The following ZNF248 variants were observed in gnomAD, a reference collection of about 807,000 sequenced individuals.
The protein encoded by ZNF248 is zinc finger protein 248, also known as KRAB protein domain.
A neutral mutation model predicts 44.3 loss-of-function variants in ZNF248; 20 were observed. The ratio of observed to expected loss-of-function variants is 0.45; its 90% CI spans 0.32 to 0.66. The LOEUF (loss-of-function observed/expected upper bound fraction) is 0.66. Among genes scored for constraint, ZNF248 ranks in the 30% least tolerant of loss-of-function variants. The probability of loss-of-function intolerance (pLI) is 0.04; values close to 1 mark genes in which losing one functional copy is unlikely to be tolerated. For synonymous variants in ZNF248, 224 were observed against 229.0 expected (o/e 0.98, Z 0.20); for missense variants, 654 against 677.0 (o/e 0.97, Z 0.38).
At chr10:37,835,337 A>C (rs139296893) in intron 5 of ZNF248, among the ~76,000 whole-genome samples, 1,659 of 152,344 alleles carry the variant, frequency 0.011, 36 homozygotes, top group African/African-American at 0.038. Flanking sequence ...TAGTACGGTG[A>C]TGCCATGGTT....
At chr10:37,767,240 C>G in the ZNF248 span, among the ~76,000 whole-genome samples, 1 of 152,168 alleles carries the variant, frequency 6.6e-6, no homozygotes, top group Admixed American at 6.5e-5. Context: ...TCTAACAAGG[C>G]AGGCCAACGT....
chr10:37,760,866 A>G, the ZNF248 span, among the ~76,000 whole-genome samples: 13 of 152,350 alleles, frequency 8.5e-5, no homozygotes, highest in Middle Eastern at 3.4e-3. Flanking sequence ...AAGACATACT[A>G]AAACATTACC....
downstream of ZNF248, among the ~76,000 whole-genome samples, chr10:37,772,980 T>C (rs2046322857): frequency 6.6e-6 from 1 of 151,936 alleles, no homozygotes; most frequent in African/African-American, 2.4e-5. Context: ...ACTGAAGACG[T>C]GACTATCAAA....
chr10:37,820,297 G>A (rs2133606446), intron 6 of ZNF248: 2 of 1,388,696 alleles, frequency 1.4e-6, no homozygotes, highest in South Asian at 2.3e-5. Context: ...ATAGATGAGG[G>A]ACTGTTTTGC....
chr10:37,777,895 A>G (rs1275523175), intron 6 of ZNF248, among the ~76,000 whole-genome samples: 1 of 151,946 alleles, frequency 6.6e-6, no homozygotes. Context: ...ATAGTATTCC[A>G]CGGTGTATAT....
intron 6 of ZNF248, among the ~76,000 whole-genome samples, chr10:37,822,999 A>T (rs1333441916): frequency 6.6e-6 from 1 of 152,154 alleles, no homozygotes; most frequent in South Asian, 2.1e-4. Flanking sequence ...TGTGCAGGCT[A>T]TGTGAAGGAA....
At chr10:37,834,322 T>G (rs1358505430) in intron 5 of ZNF248, among the ~76,000 whole-genome samples, 1 of 152,148 alleles carries the variant, frequency 6.6e-6, no homozygotes, top group Non-Finnish European at 1.5e-5. Flanking sequence ...AGTCCAGAAC[T>G]TGGCAGGTGT....
intron 6 of ZNF248, among the ~76,000 whole-genome samples, chr10:37,790,568 G>A (rs2048382408): frequency 1.3e-5 from 2 of 151,800 alleles, no homozygotes; most frequent in Non-Finnish European, 1.5e-5. Flanking sequence ...AAATTAGCTG[G>A]GCGTAGTGGC....
chr10:37,799,593 C>A (rs1276670675), intron 6 of ZNF248, among the ~76,000 whole-genome samples: 1 of 152,082 alleles, frequency 6.6e-6, no homozygotes, highest in Admixed American at 6.6e-5. Flanking sequence ...GCTAACACTT[C>A]CTGACTTATC....
chr10:37,833,036 T>C lies in ZNF248; in HGVS notation c.319A>G (p.Asn107Asp). 1 of 1,613,600 alleles carries C rather than the reference T, an allele frequency of 6.2e-7. No individual in the cohort carries two copies. ...TTTTCTACACTTACTGTTTTGTTGT[T>C]GTGGAATAGAAGCTCCCAAAAATGG... ...DDHFWELLFH[N>D]NKTVSVENGD... The change falls in exon 6 of 6, where the codon AAC becomes GAC. Residue 107 changes from asparagine to aspartate, a missense_variant. Physicochemically the swap from Asn to Asp is conservative, Grantham distance 23. Coordinates refer to ENST00000395867, the MANE Select transcript of ZNF248 (RefSeq NM_021045.3).
chr10:37,761,122 A>C, the ZNF248 span, among the ~76,000 whole-genome samples: 1 of 152,336 alleles, frequency 6.6e-6, no homozygotes, highest in South Asian at 2.1e-4. Context: ...CAACAGGGTT[A>C]CTGGCAGTTC....
At chr10:37,846,445 T>C (rs2059330087) in intron 3 of ZNF248, among the ~76,000 whole-genome samples, 1 of 151,930 alleles carries the variant, frequency 6.6e-6, no homozygotes, top group South Asian at 2.1e-4. Context: ...ACCGGCTTGG[T>C]CAACAGGATC....
At chr10:37,772,831 C>T (rs1225031143), downstream of ZNF248, among the ~76,000 whole-genome samples, 1 of 152,182 alleles carries the variant, frequency 6.6e-6, no homozygotes, top group African/African-American at 2.4e-5. Context: ...GAAGTAACAG[C>T]GTTCCACATT....
chr10:37,853,091 G>T (rs1170970853), intron 3 of ZNF248, among the ~76,000 whole-genome samples: 1 of 151,734 alleles, frequency 6.6e-6, no homozygotes, highest in African/African-American at 2.4e-5. Flanking sequence ...TGATCTGCCC[G>T]CCTTGGCCTC....
At chr10:37,820,253 G>T (rs1172750385) in intron 6 of ZNF248, 9 of 1,363,626 alleles carry the variant, frequency 6.6e-6, no homozygotes, top group Non-Finnish European at 9.4e-6. Context: ...TCTGTTTTTG[G>T]GAGCTGCAGA....
At chr10:37,765,493 G>T in the ZNF248 span, among the ~76,000 whole-genome samples, 1 of 152,172 alleles carries the variant, frequency 6.6e-6, no homozygotes. Context: ...TTTCAGTTAT[G>T]ACAATTCAGT....
chr10:37,821,706 G>A (rs1475875301), intron 6 of ZNF248, among the ~76,000 whole-genome samples: 1 of 152,134 alleles, frequency 6.6e-6, no homozygotes, highest in Non-Finnish European at 1.5e-5. Context: ...CCCTGACCCT[G>A]GAGCACAGCC....
intron 6 of ZNF248, among the ~76,000 whole-genome samples, chr10:37,807,614 G>C (rs141902298): frequency 3.7e-4 from 57 of 152,228 alleles, no homozygotes; most frequent in African/African-American, 1.3e-3. Context: ...GCAACATTTT[G>C]TAGTTTTCAG....
At chr10:37,824,285 T>G (rs902593076), downstream of ZNF248, among the ~76,000 whole-genome samples, 1 of 152,186 alleles carries the variant, frequency 6.6e-6, no homozygotes, top group Non-Finnish European at 1.5e-5. Flanking sequence ...TTCAATCAGT[T>G]GGATGAGTCC....
Sources: allele counts gnomAD v4.1 joint callset (sites outside exome capture counted in the v4.1 genomes callset), GRCh38; gene constraint gnomAD v4.1.1; transcripts MANE v1.5; gene names NCBI Gene and HGNC (gene_info 2026-07-23, HGNC 2026-07-21).